The following MCF2L2 variants were observed in gnomAD, a reference collection of about 807,000 sequenced individuals.
MCF2L2 encodes the protein probable guanine nucleotide exchange factor MCF2L2.
A neutral mutation model predicts 150.2 loss-of-function variants in MCF2L2; 102 were observed. That is an observed-to-expected ratio of 0.68 (90% CI 0.58 to 0.80). The LOEUF is 0.80. MCF2L2 is among the 30% of genes least tolerant of loss of function. MCF2L2 has a pLI of 0.00. For missense variants in MCF2L2, 1,256 were observed against 1,372.8 expected (o/e 0.91, Z 1.34); for synonymous variants, 465 against 491.3 (o/e 0.95, Z 0.71).
At chr3:183,200,087 C>T (rs1410607212) in intron 25 of MCF2L2, among the ~76,000 whole-genome samples, 4 of 152,254 alleles carry the variant, frequency 2.6e-5, no homozygotes, top group Middle Eastern at 3.4e-3. Context: ...AATAAACATA[C>T]GTGTGCATGT....
chr3:183,248,453 G>C (rs765442011), intron 15 of MCF2L2, among the ~76,000 whole-genome samples: 4 of 152,166 alleles, frequency 2.6e-5, no homozygotes, highest in Non-Finnish European at 5.9e-5. Flanking sequence ...TTTGGAAATT[G>C]GTTGAGTGGG....
At chr3:183,299,789 T>C (rs573920559) in intron 11 of MCF2L2, 2 of 513,194 alleles carry the variant, frequency 3.9e-6, no homozygotes, top group African/African-American at 2.0e-5. Context: ...TTAACTTTAA[T>C]GGGATGTGGT....
chr3:183,184,581 C>G (rs1721633541), intron 27 of MCF2L2, among the ~76,000 whole-genome samples: 1 of 152,204 alleles, frequency 6.6e-6, no homozygotes, highest in Non-Finnish European at 1.5e-5. Flanking sequence ...TGGTGCATAT[C>G]AGATAAGCTG....
intron 25 of MCF2L2, among the ~76,000 whole-genome samples, chr3:183,204,488 T>C (rs1427927408): frequency 1.4e-5 from 2 of 137,978 alleles, no homozygotes; most frequent in African/African-American, 5.2e-5. Flanking sequence ...AATAATAATG[T>C]TATTATAATG....
intron 3 of MCF2L2, chr3:183,372,590 G>T (rs1712955268): frequency 1.3e-5 from 2 of 152,234 alleles, no homozygotes; most frequent in Non-Finnish European, 2.9e-5. Context: ...TACTCAGGAG[G>T]CTGAGGCAGG....
At chr3:183,351,295 C>G (rs1168439314) in intron 3 of MCF2L2, among the ~76,000 whole-genome samples, 2 of 145,830 alleles carry the variant, frequency 1.4e-5, no homozygotes, top group African/African-American at 5.0e-5. Context: ...CTCAATCCTC[C>G]CATCTCACCC....
At chr3:183,354,114 T>G (rs1484351482) in intron 3 of MCF2L2, among the ~76,000 whole-genome samples, 1 of 152,190 alleles carries the variant, frequency 6.6e-6, no homozygotes, top group Admixed American at 6.5e-5. Flanking sequence ...GGCTCAAATG[T>G]CCAGCATTAA....
intron 3 of MCF2L2, among the ~76,000 whole-genome samples, chr3:183,345,718 TA>T (rs1439209387): frequency 1.3e-5 from 2 of 151,796 alleles, no homozygotes; most frequent in Non-Finnish European, 2.9e-5. Context: ...ATAGACACAA[TA>T]AAAAGTGATA....
chr3:183,387,133 G>C (rs1713876180), intron 2 of MCF2L2, among the ~76,000 whole-genome samples: 1 of 151,930 alleles, frequency 6.6e-6, no homozygotes, highest in Admixed American at 6.6e-5. Context: ...GTGCGCCAAT[G>C]CCTGCCTGTA....
intron 15 of MCF2L2, among the ~76,000 whole-genome samples, chr3:183,238,006 C>T (rs1204079363): frequency 2.9e-5 from 4 of 139,344 alleles, no homozygotes; most frequent in African/African-American, 8.2e-5. Context: ...TGTAGTTGAG[C>T]GGCTTTGAGT....
At position 183,217,671 on chromosome 3, in the gene MCF2L2, A is replaced by G. The variant is rs573073926; in HGVS notation, c.2371-1577T>C. ...TACTAATGATTTACATGTAAAAGCT[A>G]TAACATCATATTTCCACACTGAATC... On this transcript the variant is annotated intron_variant, in intron 21 of 29. Coordinates refer to ENST00000328913, the MANE Select transcript of MCF2L2 (RefSeq NM_015078.4). Among the ~76,000 whole-genome samples the G allele has an allele frequency of 5.0e-4, 76 of 152,250 alleles. 1 individual carries two copies. The highest frequency in any genetic ancestry group is 1.7e-3 in the African/African-American group (71 of 41,556).
intron 3 of MCF2L2, among the ~76,000 whole-genome samples, chr3:183,348,386 A>T (rs1211044798): frequency 7.5e-6 from 1 of 132,788 alleles, no homozygotes; most frequent in Non-Finnish European, 1.6e-5. Context: ...GGAACATCAC[A>T]CACCAGGACC....
At chr3:183,190,456 C>A (rs1344755155) in intron 27 of MCF2L2, among the ~76,000 whole-genome samples, 2 of 152,232 alleles carry the variant, frequency 1.3e-5, no homozygotes, top group Non-Finnish European at 2.9e-5. Flanking sequence ...TGAAAAACGG[C>A]TTTCAGATGA....
chr3:183,275,875 C>T (rs931089818), intron 15 of MCF2L2, among the ~76,000 whole-genome samples: 6 of 152,152 alleles, frequency 3.9e-5, no homozygotes, highest in Admixed American at 1.3e-4. Context: ...CTCAGCCTCC[C>T]AAAGTGTTGG....
At position 183,313,235 on chromosome 3, in the gene MCF2L2, A is replaced by ACG. The variant is rs1276267267; in HGVS notation, c.754-1464_754-1463insCG. The stretch of plus-strand genomic sequence containing the variant: ...TAACTGCTGCTGAGCTTCCAGCAAC[A>ACG]CACACACACACACACACACACATAT... On this transcript the variant is annotated intron_variant, in intron 7 of 29. Transcript: ENST00000328913. Among the ~76,000 whole-genome samples the ACG allele has an allele frequency of 1.5e-4, 22 of 149,996 alleles. 1 individual carries two copies. The highest frequency in any genetic ancestry group is 1.5e-3 in the Admixed American group (22 of 15,022).
intron 6 of MCF2L2, among the ~76,000 whole-genome samples, chr3:183,319,317 G>C (rs1303872755): frequency 6.6e-6 from 1 of 152,184 alleles, no homozygotes; most frequent in Non-Finnish European, 1.5e-5. Flanking sequence ...TCCACTTCTA[G>C]TTCTCTTGCT....
At chr3:183,217,796 C>G (rs1723000189) in intron 21 of MCF2L2, among the ~76,000 whole-genome samples, 1 of 152,180 alleles carries the variant, frequency 6.6e-6, no homozygotes. Flanking sequence ...CTCTGCACCT[C>G]CCGAACATAA....
At chr3:183,291,501 T>C (rs1728142271) in intron 13 of MCF2L2, among the ~76,000 whole-genome samples, 1 of 152,240 alleles carries the variant, frequency 6.6e-6, no homozygotes, top group Non-Finnish European at 1.5e-5. Context: ...TTTTTCACGT[T>C]CCTTATGAAC....
At chr3:183,316,185 T>C (rs2108513970) in intron 7 of MCF2L2, among the ~76,000 whole-genome samples, 1 of 152,196 alleles carries the variant, frequency 6.6e-6, no homozygotes, top group Middle Eastern at 3.4e-3. Context: ...TCATACCTCC[T>C]AGGAATCACG....
Sources: allele counts gnomAD v4.1 joint callset (sites outside exome capture counted in the v4.1 genomes callset), GRCh38; gene constraint gnomAD v4.1.1; transcripts MANE v1.5; gene names NCBI Gene and HGNC (gene_info 2026-07-23, HGNC 2026-07-21).